The following LRRTM4 variants were observed in gnomAD, a reference collection of about 807,000 sequenced individuals.
LRRTM4 encodes the protein leucine-rich repeat transmembrane neuronal protein 4.
A neutral mutation model predicts 47.6 loss-of-function variants in LRRTM4; 25 were observed. The observed-to-expected ratio is 0.53, with a 90% CI of 0.38 to 0.73. The LOEUF (loss-of-function observed/expected upper bound fraction) is 0.73. Among genes scored for constraint, LRRTM4 ranks in the 30% least tolerant of loss-of-function variants. The probability of loss-of-function intolerance (pLI) is 0.00; values close to 1 mark genes in which losing one functional copy is unlikely to be tolerated. For synonymous variants in LRRTM4, 311 were observed against 269.5 expected (o/e 1.15, Z -1.51); for missense variants, 638 against 713.4 (o/e 0.89, Z 1.20).
intron 3 of LRRTM4, among the ~76,000 whole-genome samples, chr2:76,985,027 GTTTT>G (rs1230241936): frequency 6.6e-6 from 1 of 151,848 alleles, no homozygotes; most frequent in Admixed American, 6.6e-5. Flanking sequence ...TCAAAATAAA[GTTTT>G]TTTAAAGTAT....
At chr2:76,907,656 G>A (rs1673896018) in intron 3 of LRRTM4, among the ~76,000 whole-genome samples, 1 of 115,992 alleles carries the variant, frequency 8.6e-6, no homozygotes, top group African/African-American at 3.9e-5. Context: ...AATGATAAAG[G>A]GGATATCACC....
At chr2:77,114,397 G>C (rs1223197302) in intron 3 of LRRTM4, among the ~76,000 whole-genome samples, 4 of 152,088 alleles carry the variant, frequency 2.6e-5, no homozygotes, top group African/African-American at 9.7e-5. Context: ...TAATATAGCA[G>C]AGATGAGCAT....
At chr2:77,503,371 T>C (rs905767087) in intron 3 of LRRTM4, among the ~76,000 whole-genome samples, 15 of 151,690 alleles carry the variant, frequency 9.9e-5, no homozygotes, top group Admixed American at 7.2e-4. Context: ...ATTGTGACTT[T>C]CCAAGAGGGA....
chr2:77,498,741 C>T (rs912999494), intron 3 of LRRTM4, among the ~76,000 whole-genome samples: 16 of 151,866 alleles, frequency 1.1e-4, no homozygotes, highest in African/African-American at 3.9e-4. Context: ...ACTATTGTGG[C>T]AACTAACTAT....
intron 3 of LRRTM4, among the ~76,000 whole-genome samples, chr2:77,247,470 A>C (rs1024180469): frequency 6.6e-6 from 1 of 152,108 alleles, no homozygotes; most frequent in African/African-American, 2.4e-5. Flanking sequence ...GTTGTCTCCT[A>C]GACAGGTGCT....
At chr2:76,995,675 G>A (rs976713747) in intron 3 of LRRTM4, among the ~76,000 whole-genome samples, 1 of 152,008 alleles carries the variant, frequency 6.6e-6, no homozygotes, top group Non-Finnish European at 1.5e-5. Flanking sequence ...GAATAGAGAT[G>A]TCCACACAAC....
intron 3 of LRRTM4, among the ~76,000 whole-genome samples, chr2:77,489,142 A>G (rs1393280475): frequency 2.0e-5 from 3 of 152,278 alleles, no homozygotes; most frequent in African/African-American, 4.8e-5. Context: ...GTCTCTATAT[A>G]TCTTGATTTT....
In LRRTM4 at chr2:76,777,045, G is replaced by A. The variant is rs1459635486; in HGVS notation, c.1552-28129C>T. Among the ~76,000 whole-genome samples, 3 of 134,772 alleles carry A rather than the reference G, an allele frequency of 2.2e-5. No homozygotes were observed. The East Asian group carries it at 7.2e-4, about 32-fold the overall frequency. 88.4% of individuals were successfully genotyped at this position (134,772 alleles called of 152,430 possible). A position where few individuals can be genotyped will look rare whatever the true frequency, so the allele number is the denominator to read the frequency against. Reference sequence around the variant, plus strand: ...TTTCCCCATTGCTTGTTTTTCTCAGGTTTGTCAAAGATCAGATAGTTGTAG... The same window carrying A: ...TTTCCCCATTGCTTGTTTTTCTCAGATTTGTCAAAGATCAGATAGTTGTAG... On this transcript the variant is annotated intron_variant, in intron 3 of 3. Coordinates refer to ENST00000409884, the MANE Select transcript of LRRTM4 (RefSeq NM_001134745.3).
chr2:76,944,605 T>G (rs1305058869), intron 3 of LRRTM4, among the ~76,000 whole-genome samples: 4 of 152,062 alleles, frequency 2.6e-5, no homozygotes, highest in Admixed American at 1.3e-4. Context: ...GAGGTTCATC[T>G]ATAGAGAGAA....
Position 77,518,813 on chromosome 2 carries a change from A to G in LRRTM4, c.1056T>C (p.Asp352=). The change falls in exon 3 of 4, where the codon GAT becomes GAC. Residue 352 remains aspartate, a synonymous_variant. Transcript: ENST00000409884. ...AACAGATATTATATGTTTCCACTGC[A>G]TCACTAACCTTTTCACCCTGGATGT... ...PKHIQGEKVS[D]AVETYNICSE... 1 of 1,611,722 alleles carries G rather than the reference A, an allele frequency of 6.2e-7. No individual in the cohort carries two copies. Among genetic ancestry groups the G allele is most frequent in the African/African-American group, 1.3e-5 (1 of 74,990 alleles).
At chr2:77,353,401 A>G (rs1671855156) in intron 3 of LRRTM4, among the ~76,000 whole-genome samples, 1 of 152,164 alleles carries the variant, frequency 6.6e-6, no homozygotes, top group Admixed American at 6.5e-5. Flanking sequence ...TTGTTTGTAA[A>G]TTCCTCAATG....
chr2:76,785,504 A>G (rs933102093), intron 3 of LRRTM4, among the ~76,000 whole-genome samples: 1 of 152,118 alleles, frequency 6.6e-6, no homozygotes, highest in African/African-American at 2.4e-5. Context: ...TCTCTAATCA[A>G]CTTTTTAGTG....
chr2:77,466,826 G>A (rs898740846), intron 3 of LRRTM4, among the ~76,000 whole-genome samples: 4 of 151,174 alleles, frequency 2.6e-5, no homozygotes, highest in Admixed American at 2.0e-4. Flanking sequence ...AGCCTCCCAA[G>A]TAGGTGGGAC....
chr2:76,815,306 C>T (rs183643692), intron 3 of LRRTM4, among the ~76,000 whole-genome samples: 46 of 152,090 alleles, frequency 3.0e-4, no homozygotes, highest in Admixed American at 1.4e-3. Flanking sequence ...CTTTGGTTAA[C>T]GGGTGACTGT....
At chr2:77,194,603 G>T (rs1047566815) in intron 3 of LRRTM4, among the ~76,000 whole-genome samples, 2 of 152,184 alleles carry the variant, frequency 1.3e-5, no homozygotes, top group Non-Finnish European at 2.9e-5. Flanking sequence ...TTGCTGGTAA[G>T]TTACTGTGAA....
At chr2:76,908,827 C>A (rs1462741921) in intron 3 of LRRTM4, among the ~76,000 whole-genome samples, 1 of 151,906 alleles carries the variant, frequency 6.6e-6, no homozygotes, top group Non-Finnish European at 1.5e-5. Flanking sequence ...CAAACCACTG[C>A]TCAAGGAAAT....
At chr2:76,863,470 T>A (rs952302678) in intron 3 of LRRTM4, among the ~76,000 whole-genome samples, 2 of 152,178 alleles carry the variant, frequency 1.3e-5, no homozygotes, top group African/African-American at 4.8e-5. Flanking sequence ...ATATGTGTGT[T>A]TCCACATCAG....
At chr2:77,104,552 G>A (rs1214998983) in intron 3 of LRRTM4, among the ~76,000 whole-genome samples, 1 of 152,054 alleles carries the variant, frequency 6.6e-6, no homozygotes, top group East Asian at 1.9e-4. Flanking sequence ...AATAAAACTC[G>A]CCACAAACCT....
At chr2:77,357,817 A>C (rs189365738) in intron 3 of LRRTM4, among the ~76,000 whole-genome samples, 1 of 152,308 alleles carries the variant, frequency 6.6e-6, no homozygotes, top group Non-Finnish European at 1.5e-5. Flanking sequence ...ACAATGTTTT[A>C]AGTAATGAAG....
Sources: gnomAD v4.1 joint callset for allele counts (sites outside exome capture counted in the v4.1 genomes callset) on GRCh38, gnomAD v4.1.1 for gene constraint, MANE v1.5 for transcripts, NCBI Gene and HGNC (gene_info 2026-07-23, HGNC 2026-07-21) for gene names.